Variants in HDAC4 observed in about 807,000 individuals in gnomAD.
HDAC4 encodes histone deacetylase 4, also known as histone deacetylase A.
HDAC4 carries 16 observed loss-of-function variants against 135.1 expected under a neutral mutation model. The ratio of observed to expected loss-of-function variants is 0.12; its 90% CI spans 0.08 to 0.18. HDAC4 has a LOEUF of 0.18. HDAC4 is among the 10% of genes least tolerant of loss of function. HDAC4 has a pLI of 1.00. For synonymous variants in HDAC4, 685 were observed against 653.4 expected, an observed-to-expected ratio of 1.05 and a Z score of -0.74; for missense variants, 1,143 against 1,511.8, an observed-to-expected ratio of 0.76 and a Z score of 4.05.
chr2:239,298,402 G>A (rs1294239529), intron 2 of HDAC4: 9 of 1,176,260 alleles, frequency 7.7e-6, no homozygotes, highest in Non-Finnish European at 8.6e-6. Flanking sequence ...GCACCTCAGA[G>A]GGAAACAGGG....
intron 3 of HDAC4, among the ~76,000 whole-genome samples, chr2:239,211,208 A>T (rs2046340455): frequency 6.6e-6 from 1 of 152,240 alleles, no homozygotes; most frequent in African/African-American, 2.4e-5. Flanking sequence ...TTTAAACAAA[A>T]ATGTCTGACA....
At chr2:239,375,484 G>A (rs1010201776) in intron 1 of HDAC4, among the ~76,000 whole-genome samples, 3 of 152,108 alleles carry the variant, frequency 2.0e-5, no homozygotes, top group Non-Finnish European at 4.4e-5. Context: ...AGGCCTGAGC[G>A]TCCTCCATGC....
chr2:239,366,186 A>T (rs1694202966), intron 1 of HDAC4, among the ~76,000 whole-genome samples: 1 of 149,126 alleles, frequency 6.7e-6, no homozygotes, highest in East Asian at 2.0e-4. Context: ...GCACTATGTG[A>T]CACATACAGA....
At chr2:239,102,425 T>C (rs1042188230) in intron 16 of HDAC4, among the ~76,000 whole-genome samples, 41 of 152,244 alleles carry the variant, frequency 2.7e-4, no homozygotes, top group African/African-American at 9.9e-4. Flanking sequence ...GGTCTTGCTC[T>C]GATGGGCCTT....
At chr2:239,064,331 G>C (rs2033191799) in intron 24 of HDAC4, among the ~76,000 whole-genome samples, 1 of 152,230 alleles carries the variant, frequency 6.6e-6, no homozygotes, top group Non-Finnish European at 1.5e-5. Flanking sequence ...CATGGCAGCA[G>C]CCCTGCTGGG....
chr2:239,172,692 T>G (rs536235167), intron 5 of HDAC4, among the ~76,000 whole-genome samples: 1 of 151,962 alleles, frequency 6.6e-6, no homozygotes, highest in South Asian at 2.1e-4. Context: ...ATCCATAAAG[T>G]CAAAAGCTAG....
chr2:239,159,058 T>C (rs2042607850), intron 6 of HDAC4, among the ~76,000 whole-genome samples: 1 of 145,606 alleles, frequency 6.9e-6, no homozygotes, highest in Non-Finnish European at 1.5e-5. Context: ...CCCATACCTA[T>C]ATCTGCATCT....
At chr2:239,345,658 AACACACACTCCCTAAAAC>A (rs1211084820) in intron 2 of HDAC4, among the ~76,000 whole-genome samples, 2 of 150,794 alleles carry the variant, frequency 1.3e-5, no homozygotes, top group Non-Finnish European at 3.0e-5. Flanking sequence ...CTGTCTAAAA[AACACACACTCCCTAAAAC>A]ACACACACCC....
At chr2:239,357,407 T>TTTCAA (rs1693561522) in intron 1 of HDAC4, among the ~76,000 whole-genome samples, 2 of 150,768 alleles carry the variant, frequency 1.3e-5, no homozygotes, top group African/African-American at 4.9e-5. Flanking sequence ...TGACCTTAGG[T>TTTCAA]TTCACCTTAA....
intron 2 of HDAC4, among the ~76,000 whole-genome samples, chr2:239,304,879 G>A (rs899317139): frequency 6.6e-6 from 1 of 152,130 alleles, no homozygotes; most frequent in African/African-American, 2.4e-5. Context: ...CACACACATA[G>A]GAGAACGCGA....
At chr2:239,282,545 A>G (rs1575603379) in intron 2 of HDAC4, among the ~76,000 whole-genome samples, 3 of 148,216 alleles carry the variant, frequency 2.0e-5, no homozygotes, top group African/African-American at 5.0e-5. Flanking sequence ...ACCACTCTCA[A>G]TGTACACACC....
intron 6 of HDAC4, chr2:239,161,957 C>T (rs576511708): frequency 8.4e-5 from 32 of 381,252 alleles, no homozygotes; most frequent in Admixed American, 7.1e-4. Context: ...GCTCCGTCCT[C>T]CCCTCAGGTC....
chr2:239,364,769 T>G (rs1430461957), intron 1 of HDAC4, among the ~76,000 whole-genome samples: 3 of 152,262 alleles, frequency 2.0e-5, no homozygotes, highest in African/African-American at 7.2e-5. Flanking sequence ...CCATGCAGCT[T>G]GCACGATCTT....
At chr2:239,082,300 C>T in intron 20 of HDAC4, 79 bp from the exon 21 acceptor site, 3 of 1,579,574 alleles carry the variant, frequency 1.9e-6, no homozygotes, top group Non-Finnish European at 2.6e-6. Context: ...TCCCCAACCC[C>T]AGTTGTGCTT....
rs762701982 is a variant in HDAC4, at chr2:239,163,889, T to C, written c.525A>G (p.Leu175=). The change falls in exon 6 of 27, where the codon TTA becomes TTG. Residue 175 remains leucine, a synonymous_variant. Transcript: ENST00000543185. ...TCTTTTTATTGAGGACAAATTCTTG[T>C]AACTTCATCTTCACTTCTGTGCTGG... ...AVASTEVKMK[L]QEFVLNKKKA... The C allele has an allele frequency of 7.4e-5, 120 of 1,613,992 alleles. No individual in the cohort carries two copies. Among genetic ancestry groups the C allele is most frequent in the Non-Finnish European group, 1.0e-4 (118 of 1,180,012 alleles).
intron 2 of HDAC4, among the ~76,000 whole-genome samples, chr2:239,314,542 T>C (rs1245292541): frequency 1.3e-5 from 2 of 152,220 alleles, no homozygotes; most frequent in Non-Finnish European, 2.9e-5. Context: ...TTATTATTAA[T>C]AACTATCAGA....
At chr2:239,366,279 C>T (rs528765513) in intron 1 of HDAC4, among the ~76,000 whole-genome samples, 5 of 151,354 alleles carry the variant, frequency 3.3e-5, no homozygotes, top group Admixed American at 6.6e-5. Context: ...AGAGCAGGGT[C>T]GTCAGGGTCA....
At chr2:239,100,751 G>A (rs2037539365) in intron 16 of HDAC4, among the ~76,000 whole-genome samples, 1 of 152,150 alleles carries the variant, frequency 6.6e-6, no homozygotes, top group African/African-American at 2.4e-5. Context: ...TCCACAGAGG[G>A]GTCTCCTGTC....
chr2:239,371,604 C>G (rs1417111598), intron 1 of HDAC4, among the ~76,000 whole-genome samples: 5 of 152,190 alleles, frequency 3.3e-5, no homozygotes, highest in African/African-American at 1.2e-4. Context: ...AACACTCATG[C>G]TCACACATTC....
Sources: allele counts gnomAD v4.1 joint callset (sites outside exome capture counted in the v4.1 genomes callset), GRCh38; gene constraint gnomAD v4.1.1; transcripts MANE v1.5; gene names NCBI Gene and HGNC (gene_info 2026-07-23, HGNC 2026-07-21).